EPB41L5: variants seen among roughly 807,000 people sequenced by gnomAD.
EPB41L5 encodes the protein erythrocyte membrane protein band 4.1 like 5.
A neutral mutation model predicts 106.6 loss-of-function variants in EPB41L5; 55 were observed. The observed-to-expected ratio is 0.52, with a 90% CI of 0.42 to 0.65. EPB41L5 has a LOEUF of 0.65. Among genes scored for constraint, EPB41L5 ranks in the 30% least tolerant of loss-of-function variants. EPB41L5 has a pLI of 0.00. For synonymous variants in EPB41L5, 297 were observed against 306.7 expected (o/e 0.97, Z 0.33); for missense variants, 871 against 882.1 (o/e 0.99, Z 0.16).
At chr2:120,128,760 G>A (rs1685567545) in intron 17 of EPB41L5, among the ~76,000 whole-genome samples, 1 of 151,076 alleles carries the variant, frequency 6.6e-6, no homozygotes, top group East Asian at 1.9e-4. Flanking sequence ...GTTAGTCTCA[G>A]GTCAGAGAAA....
rs72841661 is a variant in EPB41L5, at chr2:120,176,262, A to T, written c.*1355A>T. 0.027 allele frequency: 4,085 copies of T among 152,656 alleles called. 65 individuals carry two copies. The highest frequency in any genetic ancestry group is 0.034 in the Middle Eastern group (10 of 294). 9.5% of individuals were successfully genotyped at this position (152,656 alleles called of 1,614,324 possible). ...AGTTGTTAATCCCTCGTTATGGAGA[A>T]CTGATCTTAAGCTATACCTCCTGGA... On this transcript the variant is annotated 3_prime_UTR_variant, in exon 25 of 25. Transcript: ENST00000263713.
chr2:120,175,231 T>C lies in EPB41L5; in HGVS notation c.*324T>C. ...TCCACCTAGCGGTTCTATTTGTTCA[T>C]AACAACTTCATAACAAGCCTGCCTC... On this transcript the variant is annotated 3_prime_UTR_variant, in exon 25 of 25. Transcript: ENST00000263713. The C allele has an allele frequency of 3.6e-6, 1 of 274,854 alleles. No individual in the cohort carries two copies. The highest frequency in any genetic ancestry group is 7.3e-6 in the Non-Finnish European group (1 of 137,890). 17.0% of individuals were successfully genotyped at this position (274,854 alleles called of 1,614,324 possible). A position where few individuals can be genotyped will look rare whatever the true frequency, so the allele number is the denominator to read the frequency against.
intron 3 of EPB41L5, among the ~76,000 whole-genome samples, chr2:120,043,780 T>C (rs903815900): frequency 6.6e-6 from 1 of 152,090 alleles, no homozygotes; most frequent in African/African-American, 2.4e-5. Context: ...AGTATTAATA[T>C]GCTAATTGAT....
At chr2:120,122,590 A>T (rs1275822606) in intron 16 of EPB41L5, among the ~76,000 whole-genome samples, 1 of 152,132 alleles carries the variant, frequency 6.6e-6, no homozygotes, top group East Asian at 1.9e-4. Context: ...CTTGTAGTAT[A>T]GTTTGAAGTC....
Position 120,175,064 on chromosome 2 carries a change from C to A in EPB41L5, c.*157C>A. On this transcript the variant is annotated 3_prime_UTR_variant, in exon 25 of 25. Transcript: ENST00000263713. ...CCGTAAAAAAGACAGCTGTATTTTC[C>A]GTCCAACTGGAATTGTTGAATCACA... The A allele has an allele frequency of 1.4e-6, 1 of 701,226 alleles. No individual in the cohort carries two copies. The allele number at this position is 701,226 out of a possible 1,614,324, so 43.4% of individuals were successfully genotyped here. A position where few individuals can be genotyped will look rare whatever the true frequency, so the allele number is the denominator to read the frequency against.
chr2:120,146,208 A>G lies in EPB41L5; in HGVS notation c.1729-17A>G, dbSNP rs1457036157. 1 of 1,485,880 alleles carries G rather than the reference A, an allele frequency of 6.7e-7. No homozygotes were observed. The highest frequency in any genetic ancestry group is 2.3e-5 in the East Asian group (1 of 43,232). 92.0% of individuals were successfully genotyped at this position (1,485,880 alleles called of 1,614,324 possible). On this transcript the variant is annotated splice_polypyrimidine_tract_variant and intron_variant, in intron 19 of 24. Transcript: ENST00000263713. ...CCTCAATAAAGATTTACTTTTTTTA[A>G]TATTTCATTTTCTTAGGTTACAAAA...
At chr2:120,101,192 C>G (rs1038997729) in intron 16 of EPB41L5, among the ~76,000 whole-genome samples, 3 of 152,016 alleles carry the variant, frequency 2.0e-5, no homozygotes, top group Non-Finnish European at 4.4e-5. Flanking sequence ...CGTGTTATTC[C>G]ACACAACATG....
At chr2:120,128,268 C>A (rs1000799272) in intron 17 of EPB41L5, among the ~76,000 whole-genome samples, 9 of 151,396 alleles carry the variant, frequency 5.9e-5, no homozygotes, top group African/African-American at 2.2e-4. Context: ...CACACACACA[C>A]ACACACACAC....
At chr2:120,073,155 A>C (rs752893411) in intron 3 of EPB41L5, 23 bp from the exon 4 acceptor site, 9 of 1,598,756 alleles carry the variant, frequency 5.6e-6, no homozygotes, top group Non-Finnish European at 6.8e-6. Context: ...CTGCTTAACT[A>C]AATTTTTGTT....
chr2:120,023,481 T>G (rs1678084523), intron 2 of EPB41L5, among the ~76,000 whole-genome samples: 1 of 152,200 alleles, frequency 6.6e-6, no homozygotes, highest in Non-Finnish European at 1.5e-5. Flanking sequence ...TTGTCAAAGA[T>G]CAGGTGGTTG....
At position 120,023,751 on chromosome 2, in the gene EPB41L5, G is replaced by T. The variant is rs1017760490; in HGVS notation, c.180+4487G>T. 3.9e-5 allele frequency among the ~76,000 whole-genome samples: 6 copies of T among 152,168 alleles called. No individual in the cohort carries two copies. In the South Asian group the frequency reaches 8.3e-4, roughly 21 times the overall value. On this transcript the variant is annotated intron_variant, in intron 2 of 24. Coordinates refer to ENST00000263713, the MANE Select transcript of EPB41L5 (RefSeq NM_020909.4). ...GTGGTAGCTTGATGGGGATAGCATT[G>T]AATGTATAAATTACTGTGGGCAGTA...
intron 18 of EPB41L5, among the ~76,000 whole-genome samples, chr2:120,132,211 A>G (rs539666646): frequency 1.2e-4 from 19 of 152,330 alleles, no homozygotes; most frequent in African/African-American, 4.3e-4. Flanking sequence ...TAGTTTGGCT[A>G]TGATTTTCTT....
intron 14 of EPB41L5, among the ~76,000 whole-genome samples, chr2:120,094,730 C>T (rs1218567454): frequency 6.6e-6 from 1 of 152,042 alleles, no homozygotes; most frequent in East Asian, 1.9e-4. Context: ...TGCTTTAATT[C>T]AATAAGTTTT....
In EPB41L5 at chr2:120,177,070, A is replaced by T. The variant is rs964747353; in HGVS notation, c.*2163A>T. On this transcript the variant is annotated 3_prime_UTR_variant, in exon 25 of 25. Transcript: ENST00000263713. ...TGCTGAATTGGCCCCGACAGATTAAATGCGTGTTGGGGATTGGTTTCCTGT... is the reference window on the plus strand; with the variant it reads ...TGCTGAATTGGCCCCGACAGATTAATTGCGTGTTGGGGATTGGTTTCCTGT... 6.6e-6 allele frequency: 1 copy of T among 152,216 alleles called. No homozygotes were observed. Among genetic ancestry groups the T allele is most frequent in the Non-Finnish European group, 1.5e-5 (1 of 68,056 alleles). The allele number at this position is 152,216 out of a possible 1,614,324, so 9.4% of individuals were successfully genotyped here. A position where few individuals can be genotyped will look rare whatever the true frequency, so the allele number is the denominator to read the frequency against.
At chr2:120,172,124 G>A (rs886501190) in intron 24 of EPB41L5, among the ~76,000 whole-genome samples, 4 of 152,024 alleles carry the variant, frequency 2.6e-5, no homozygotes, top group African/African-American at 9.7e-5. Flanking sequence ...GTGTAGAATA[G>A]AAAGATGAAA....
chr2:120,134,706 C>T (rs905243225), intron 18 of EPB41L5, among the ~76,000 whole-genome samples: 4 of 152,248 alleles, frequency 2.6e-5, no homozygotes, highest in Non-Finnish European at 4.4e-5. Context: ...TGTACCTTAA[C>T]AAGCCTGCAA....
At chr2:120,047,020 G>A (rs9750048) in intron 3 of EPB41L5, among the ~76,000 whole-genome samples, 96,140 of 151,832 alleles carry the variant, frequency 0.63, 31,853 homozygotes, top group Middle Eastern at 0.74. Context: ...ATTGGTCTAT[G>A]TCTCTGTTTT....
At chr2:120,149,582 G>A (rs1284969639) in intron 20 of EPB41L5, among the ~76,000 whole-genome samples, 1 of 152,068 alleles carries the variant, frequency 6.6e-6, no homozygotes, top group Non-Finnish European at 1.5e-5. Context: ...TCCTTTTATG[G>A]CTGTATAATA....
intron 16 of EPB41L5, among the ~76,000 whole-genome samples, chr2:120,103,565 ATT>A (rs1259527844): frequency 2.0e-5 from 3 of 152,112 alleles, no homozygotes; most frequent in Admixed American, 2.0e-4. Context: ...CTCTTTCTGA[ATT>A]TTGTTTCCTG....
Sources: gnomAD v4.1 joint callset for allele counts (sites outside exome capture counted in the v4.1 genomes callset) on GRCh38, gnomAD v4.1.1 for gene constraint, MANE v1.5 for transcripts, NCBI Gene and HGNC (gene_info 2026-07-23, HGNC 2026-07-21) for gene names.